Variants in ACACA observed in about 807,000 individuals in gnomAD.
ACACA encodes the protein acetyl-CoA carboxylase alpha.
Under a neutral mutation model 296.1 loss-of-function variants are expected in ACACA, and 103 were observed. That is an observed-to-expected ratio of 0.35 (90% confidence interval 0.30 to 0.41). ACACA has a LOEUF of 0.41. ACACA is among the 10% of genes least tolerant of loss of function. The probability of loss-of-function intolerance (pLI) is 1.00; values close to 1 mark genes in which losing one functional copy is unlikely to be tolerated. For synonymous variants in ACACA, 953 were observed against 1,038.6 expected (o/e 0.92, Z 1.58); for missense variants, 1,554 against 2,989.7 (o/e 0.52, Z 11.20).
At chr17:37,242,674 C>T (rs755766419) in intron 22 of ACACA, among the ~76,000 whole-genome samples, 17 of 152,158 alleles carry the variant, frequency 1.1e-4, no homozygotes, top group Middle Eastern at 3.4e-3. Context: ...AAGGCTACAG[C>T]GAGCCATGAC....
In ACACA at chr17:37,252,441, G is replaced by A. The variant is rs1484872064; in HGVS notation, c.1978-333C>T. On this transcript the variant is annotated intron_variant, in intron 15 of 55. Coordinates refer to ENST00000616317, the MANE Select transcript of ACACA (RefSeq NM_198834.3). ...GCTACTGATAATCTCAAAGAAAAAC[G>A]GTGTATAGCCAAAATTTGGACCTCC... Among the ~76,000 whole-genome samples the A allele has an allele frequency of 2.0e-5, 3 of 152,014 alleles. No homozygotes were observed. In the East Asian group the frequency reaches 5.8e-4, roughly 29 times the overall value.
Position 37,116,166 on chromosome 17 carries a change from T to C in ACACA, c.6275-2901A>G, listed in dbSNP as rs564845850. 7.2e-5 allele frequency among the ~76,000 whole-genome samples: 11 copies of C among 151,734 alleles called. No homozygotes were observed. In the South Asian group the frequency reaches 2.3e-3, roughly 31 times the overall value. ...TGCCACCATGCGCAGCTAATTTTTG[T>C]ATTTTTTGTAGAGACGGGGTTTCAC... is the stretch of plus-strand genomic sequence containing the variant. On this transcript the variant is annotated intron_variant, in intron 50 of 55. Coordinates refer to ENST00000616317, the MANE Select transcript of ACACA (RefSeq NM_198834.3).
chr17:37,200,863 T>G (rs1347453444), intron 33 of ACACA, among the ~76,000 whole-genome samples: 1 of 152,122 alleles, frequency 6.6e-6, no homozygotes, highest in Non-Finnish European at 1.5e-5. Context: ...AGATGCTAAA[T>G]GAAATTAGGT....
At chr17:37,090,858 C>T (rs1164549808) in intron 54 of ACACA, among the ~76,000 whole-genome samples, 1 of 151,538 alleles carries the variant, frequency 6.6e-6, no homozygotes, top group African/African-American at 2.4e-5. Context: ...CATACCCCTA[C>T]TTATGAAGAT....
intron 1 of ACACA, among the ~76,000 whole-genome samples, chr17:37,382,153 A>G (rs1390981898): frequency 2.0e-5 from 3 of 152,080 alleles, no homozygotes; most frequent in African/African-American, 7.2e-5. Context: ...TATCAATAAG[A>G]TTCCAAGAAG....
chr17:37,374,284 C>A (rs1391505666), intron 1 of ACACA, among the ~76,000 whole-genome samples: 1 of 148,876 alleles, frequency 6.7e-6, no homozygotes, highest in African/African-American at 2.5e-5. Context: ...TCTTTTTTTT[C>A]TTTTCTTTTT....
intron 29 of ACACA, among the ~76,000 whole-genome samples, chr17:37,218,033 T>A (rs745909096): frequency 2.6e-5 from 4 of 151,184 alleles, no homozygotes; most frequent in Non-Finnish European, 5.9e-5. Context: ...AAAGCATGCA[T>A]AAAATATTGT....
At chr17:37,326,907 T>C (rs1171058373) in intron 3 of ACACA, among the ~76,000 whole-genome samples, 1 of 152,012 alleles carries the variant, frequency 6.6e-6, no homozygotes, top group Non-Finnish European at 1.5e-5. Context: ...ATGAGGCAAA[T>C]CATCTCCATC....
At position 37,262,432 on chromosome 17, in the gene ACACA, A is replaced by G. The variant is rs535313254; in HGVS notation, c.1329+1253T>C. 5.3e-5 allele frequency among the ~76,000 whole-genome samples: 8 copies of G among 152,320 alleles called. No individual in the cohort carries two copies. In the South Asian group the frequency reaches 1.4e-3, roughly 28 times the overall value. On this transcript the variant is annotated intron_variant, in intron 11 of 55. Coordinates refer to ENST00000616317, the MANE Select transcript of ACACA (RefSeq NM_198834.3). ...TGTGTGAGTTAGCTTAATCATGAAG[A>G]TGACAATGTCCAAGAGCAAAGTTTG...
At chr17:37,243,785 C>T (rs1234641775) in intron 21 of ACACA, among the ~76,000 whole-genome samples, 1 of 152,114 alleles carries the variant, frequency 6.6e-6, no homozygotes, top group Non-Finnish European at 1.5e-5. Context: ...TGAAAAAATC[C>T]ACATATAAGT....
chr17:37,091,032 A>G (rs978404728), intron 54 of ACACA, among the ~76,000 whole-genome samples: 2 of 152,168 alleles, frequency 1.3e-5, no homozygotes, highest in Non-Finnish European at 2.9e-5. Flanking sequence ...TTTGCTTTTA[A>G]TTAAGAAACA....
chr17:37,239,162 T>A (rs2080267378), intron 24 of ACACA, among the ~76,000 whole-genome samples: 1 of 152,178 alleles, frequency 6.6e-6, no homozygotes, highest in Non-Finnish European at 1.5e-5. Flanking sequence ...TGAACTGCTT[T>A]TCTAAACAAT....
chr17:37,266,599 T>C (rs1456647405), intron 10 of ACACA, among the ~76,000 whole-genome samples: 3 of 152,172 alleles, frequency 2.0e-5, no homozygotes, highest in African/African-American at 4.8e-5. Flanking sequence ...AGGCATTTTT[T>C]ACTTTGCAAA....
At chr17:37,178,860 A>G (rs2144822305) in intron 41 of ACACA, among the ~76,000 whole-genome samples, 1 of 152,226 alleles carries the variant, frequency 6.6e-6, no homozygotes, top group South Asian at 2.1e-4. Flanking sequence ...AAAAACAGGG[A>G]AAATAATCTA....
chr17:37,344,623 A>T (rs2048533420), intron 1 of ACACA, among the ~76,000 whole-genome samples: 1 of 152,184 alleles, frequency 6.6e-6, no homozygotes, highest in South Asian at 2.1e-4. Flanking sequence ...AAGACCAAAA[A>T]AGAAATTAAA....
chr17:37,222,539 A>C (rs1555604106), intron 28 of ACACA, among the ~76,000 whole-genome samples: 1 of 152,206 alleles, frequency 6.6e-6, no homozygotes, highest in Non-Finnish European at 1.5e-5. Flanking sequence ...GTCCAACCTC[A>C]CACATTTCAC....
chr17:37,285,930 C>G lies in ACACA; in HGVS notation c.339-960G>C, dbSNP rs543795305. 1.7e-3 allele frequency among the ~76,000 whole-genome samples: 264 copies of G among 152,210 alleles called. 1 individual carries two copies. Among genetic ancestry groups the G allele is most frequent in the African/African-American group, 6.0e-3 (250 of 41,502 alleles). On this transcript the variant is annotated intron_variant, in intron 3 of 55. Transcript: ENST00000616317. ...GTTTTGAGCCAGAGTCTCACTCTGT[C>G]GCCCAGGTTGGAATGCACTGGCCAG... is the stretch of plus-strand genomic sequence containing the variant.
intron 45 of ACACA, chr17:37,141,263 T>C (rs934231743): frequency 1.7e-6 from 1 of 579,998 alleles, no homozygotes; most frequent in South Asian, 1.4e-5. Context: ...TTGATCTTCA[T>C]GTCCTTGACC....
chr17:37,098,725 G>A lies in ACACA; in HGVS notation c.6566-741C>T, dbSNP rs181926562. Among the ~76,000 whole-genome samples, 3 of 152,302 alleles carry A rather than the reference G, an allele frequency of 2.0e-5. No homozygotes were observed. In the East Asian group the frequency reaches 5.8e-4, roughly 29 times the overall value. Reference sequence around the variant, plus strand: ...TACTTCTTAGGCTAAAGGAGAAGGAGGATGTAAAAAGAGAAAGGCAGTTGG... The same window carrying A: ...TACTTCTTAGGCTAAAGGAGAAGGAAGATGTAAAAAGAGAAAGGCAGTTGG... On this transcript the variant is annotated intron_variant, in intron 52 of 55. Transcript: ENST00000616317.
Sources: allele counts gnomAD v4.1 joint callset (sites outside exome capture counted in the v4.1 genomes callset), GRCh38; gene constraint gnomAD v4.1.1; transcripts MANE v1.5; gene names NCBI Gene and HGNC (gene_info 2026-07-23, HGNC 2026-07-21).